The following GPR137C variants were observed in gnomAD, a reference collection of about 807,000 sequenced individuals.
GPR137C encodes the protein integral membrane protein GPR137C.
Under a neutral mutation model 43.4 loss-of-function variants are expected in GPR137C, and 27 were observed. The observed-to-expected ratio is 0.62, with a 90% CI of 0.46 to 0.86. The LOEUF (loss-of-function observed/expected upper bound fraction) is 0.86, where lower values mean the gene tolerates loss of function less well. Ranked by LOEUF, GPR137C falls within the 40% of genes least tolerant of loss-of-function variation. The pLI is 0.00. For missense variants in GPR137C, 522 were observed against 534.6 expected (o/e 0.98, Z 0.23); for synonymous variants, 285 against 226.9 (o/e 1.26, Z -2.30).
chr14:52,611,698 A>T, intron 3 of GPR137C: 2 of 408,844 alleles, frequency 4.9e-6, no homozygotes, highest in Non-Finnish European at 6.6e-6. Flanking sequence ...CATAGTACAA[A>T]GTAGTAATAA....
chr14:52,560,731 C>T (rs563504226), intron 1 of GPR137C, among the ~76,000 whole-genome samples: 19 of 152,146 alleles, frequency 1.2e-4, no homozygotes, highest in Admixed American at 1.2e-3. Flanking sequence ...TGATTGTTAC[C>T]TCACACCATA....
chr14:52,602,569 C>T (rs950762185), intron 3 of GPR137C, among the ~76,000 whole-genome samples: 54 of 152,130 alleles, frequency 3.5e-4, no homozygotes, highest in African/African-American at 1.3e-3. Context: ...TATTCTTAGG[C>T]TGTTTTATTA....
chr14:52,556,517 A>AG (rs977276340), intron 1 of GPR137C, among the ~76,000 whole-genome samples: 4 of 146,188 alleles, frequency 2.7e-5, no homozygotes, highest in African/African-American at 5.0e-5. Flanking sequence ...GTTGAGAGAG[A>AG]GGGGGAAAAA....
At chr14:52,559,508 A>AT (rs1296516846) in intron 1 of GPR137C, among the ~76,000 whole-genome samples, 6 of 152,230 alleles carry the variant, frequency 3.9e-5, no homozygotes, top group African/African-American at 1.4e-4. Flanking sequence ...ACCATAGATG[A>AT]TTTTTTAAAA....
At chr14:52,612,624 C>A in intron 3 of GPR137C, 1 of 540,156 alleles carries the variant, frequency 1.9e-6, no homozygotes, top group Non-Finnish European at 2.4e-6. Flanking sequence ...TGTAGTGGCG[C>A]AATTATAGCT....
intron 1 of GPR137C, among the ~76,000 whole-genome samples, chr14:52,591,153 A>G (rs1312066687): frequency 6.6e-6 from 1 of 152,180 alleles, no homozygotes; most frequent in Non-Finnish European, 1.5e-5. Flanking sequence ...CCTGCAAAGG[A>G]CAGGAACTCA....
chr14:52,583,790 GAT>G (rs1566611012), intron 1 of GPR137C, among the ~76,000 whole-genome samples: 1 of 152,036 alleles, frequency 6.6e-6, no homozygotes, highest in African/African-American at 2.4e-5. Flanking sequence ...GGTTTCCTGT[GAT>G]ATATGATCTT....
At chr14:52,586,447 A>C (rs1301099585) in intron 1 of GPR137C, among the ~76,000 whole-genome samples, 1 of 152,218 alleles carries the variant, frequency 6.6e-6, no homozygotes, top group Non-Finnish European at 1.5e-5. Context: ...CCAGTCACTC[A>C]ATTAAATGGT....
intron 1 of GPR137C, among the ~76,000 whole-genome samples, chr14:52,558,678 T>G (rs1339229171): frequency 6.6e-6 from 1 of 152,200 alleles, no homozygotes; most frequent in East Asian, 1.9e-4. Context: ...GTCAGAATTA[T>G]TAAATACATA....
intron 1 of GPR137C, among the ~76,000 whole-genome samples, chr14:52,561,582 G>A (rs1195639127): frequency 6.6e-6 from 1 of 152,124 alleles, no homozygotes; most frequent in Non-Finnish European, 1.5e-5. Flanking sequence ...TAACCCAGAT[G>A]TTCATCAGAA....
intron 1 of GPR137C, among the ~76,000 whole-genome samples, chr14:52,562,223 A>G (rs892873905): frequency 1.3e-5 from 2 of 152,326 alleles, no homozygotes; most frequent in South Asian, 2.1e-4. Context: ...TATCAGCTCT[A>G]TGTAACTTGG....
rs1422410993 is a variant in GPR137C, at chr14:52,577,530, A to ACACACACACAC, written c.445-20741_445-20731dup. 4.6e-5 allele frequency among the ~76,000 whole-genome samples: 7 copies of ACACACACACAC among 151,964 alleles called. No homozygotes were observed. In the South Asian group the frequency reaches 8.3e-4, roughly 18 times the overall value. ...TGCGCGCGCGCGCACACACACACACACACACACACACGATCAATGAAATGA... is the reference window on the plus strand; with the variant it reads ...TGCGCGCGCGCGCACACACACACACACACACACACACCACACACACACGATCAATGAAATGA... On this transcript the variant is annotated intron_variant, in intron 1 of 6. Transcript: ENST00000321662.
intron 1 of GPR137C, among the ~76,000 whole-genome samples, chr14:52,563,281 TC>T (rs2038314175): frequency 6.6e-6 from 1 of 152,178 alleles, no homozygotes; most frequent in African/African-American, 2.4e-5. Context: ...GATCCCCTCT[TC>T]TTTCCAAGTG....
Position 52,617,141 on chromosome 14 carries a change from G to A in GPR137C, c.718-15019G>A, listed in dbSNP as rs532272886. ...TGGTGATCTTATGATATCTATTTTT[G>A]GTACTGGCTCTACCTCTAGGTTCAT... On this transcript the variant is annotated intron_variant, in intron 3 of 6. Coordinates refer to ENST00000321662, the MANE Select transcript of GPR137C (RefSeq NM_001099652.2). Among the ~76,000 whole-genome samples, 21 of 152,016 alleles carry A rather than the reference G, an allele frequency of 1.4e-4. No individual in the cohort carries two copies. In the South Asian group the frequency reaches 4.4e-3, roughly 32 times the overall value.
At chr14:52,597,662 T>C (rs887234683) in intron 1 of GPR137C, among the ~76,000 whole-genome samples, 5 of 152,212 alleles carry the variant, frequency 3.3e-5, no homozygotes, top group African/African-American at 1.2e-4. Flanking sequence ...TTGAGATCCT[T>C]AATACTATGT....
At chr14:52,602,811 A>AT (rs2038942161) in intron 3 of GPR137C, among the ~76,000 whole-genome samples, 1 of 151,992 alleles carries the variant, frequency 6.6e-6, no homozygotes, top group Non-Finnish European at 1.5e-5. Context: ...GTGCCATCTA[A>AT]TTTTTTTGTA....
intron 1 of GPR137C, among the ~76,000 whole-genome samples, chr14:52,569,578 C>G (rs1009550683): frequency 7.3e-5 from 11 of 151,614 alleles, no homozygotes; most frequent in Non-Finnish European, 1.3e-4. Flanking sequence ...GCCAGAATAA[C>G]CAGTTTAGAG....
chr14:52,565,598 A>G (rs2038357273), intron 1 of GPR137C, among the ~76,000 whole-genome samples: 1 of 152,216 alleles, frequency 6.6e-6, no homozygotes. Context: ...GCACTGTTAT[A>G]TATGTGGTCA....
At chr14:52,579,689 T>A (rs1250510591) in intron 1 of GPR137C, among the ~76,000 whole-genome samples, 1 of 152,158 alleles carries the variant, frequency 6.6e-6, no homozygotes, top group African/African-American at 2.4e-5. Context: ...AAGCCTGGAA[T>A]AAACCAGACA....
Sources: allele counts gnomAD v4.1 joint callset (sites outside exome capture counted in the v4.1 genomes callset), GRCh38; gene constraint gnomAD v4.1.1; transcripts MANE v1.5; gene names NCBI Gene and HGNC (gene_info 2026-07-23, HGNC 2026-07-21).